The following NAA25 variants were observed in gnomAD, a reference collection of about 807,000 sequenced individuals.
NAA25 encodes N-alpha-acetyltransferase 25, NatB auxiliary subunit, also known as N-terminal acetyltransferase B complex subunit NAA25.
A neutral mutation model predicts 132.5 loss-of-function variants in NAA25; 30 were observed. The ratio of observed to expected loss-of-function variants is 0.23; its 90% CI spans 0.17 to 0.31. The LOEUF is 0.31. Ranked by LOEUF, NAA25 falls within the 10% of genes least tolerant of loss-of-function variation. The pLI, the probability that NAA25 is intolerant of heterozygous loss-of-function variation, is 1.00. For missense variants in NAA25, 771 were observed against 1,150.4 expected (o/e 0.67, Z 4.77); for synonymous variants, 359 against 401.9 (o/e 0.89, Z 1.28).
intron 4 of NAA25, among the ~76,000 whole-genome samples, chr12:112,086,073 T>TATATACACACACAC (rs759148501): frequency 8.7e-4 from 47 of 53,938 alleles, no homozygotes; most frequent in African/African-American, 1.8e-3. Context: ...TATATATATA[T>TATATACACACACAC]ACACACACAC....
At position 112,054,453 on chromosome 12, in the gene NAA25, T is replaced by C. The variant is rs983233542; in HGVS notation, c.1563A>G (p.Ala521=). ...LLVRIYCMLG[A]FEPVVDLYSS... is the part of the protein sequence containing the mutation. ...AGTAAAGATCCACCACTGGTTCAAA[T>C]GCACCCAGCATACAGTAGATTCGAA... is the stretch of plus-strand genomic sequence containing the variant. The change falls in exon 14 of 24, where the codon GCA becomes GCG. Residue 521 remains alanine (A), a synonymous_variant. Coordinates refer to ENST00000261745, the MANE Select transcript of NAA25 (RefSeq NM_024953.4). 6.2e-6 allele frequency: 10 copies of C among 1,614,026 alleles called. No homozygotes were observed. The highest frequency in any genetic ancestry group is 4.0e-5 in the African/African-American group (3 of 74,910).
At chr12:112,062,442 G>A (rs183613216) in intron 11 of NAA25, among the ~76,000 whole-genome samples, 1 of 151,316 alleles carries the variant, frequency 6.6e-6, no homozygotes, top group Non-Finnish European at 1.5e-5. Context: ...AATAGGCCGG[G>A]TGTGGTGCGC....
At chr12:112,103,094 C>G (rs566600255) in intron 1 of NAA25, among the ~76,000 whole-genome samples, 1 of 152,330 alleles carries the variant, frequency 6.6e-6, no homozygotes, top group South Asian at 2.1e-4. Flanking sequence ...TCAAGTGATT[C>G]TTCTGCCTCA....
Position 112,049,741 on chromosome 12 carries a change from C to A in NAA25, c.1729-1298G>T. The stretch of plus-strand genomic sequence containing the variant: ...GCTTGATTAAAGGACAGTGATACAC[C>A]CTATCAAGAGGAGGCCAGGATACTC... On this transcript the variant is annotated intron_variant, in intron 15 of 23. Transcript: ENST00000261745. This position sits in a 1 kb window ranked among gnomAD's most constrained non-coding sequence, Gnocchi z 4.7. 3.2e-6 allele frequency: 2 copies of A among 616,184 alleles called. No homozygotes were observed. The highest frequency in any genetic ancestry group is 4.1e-6 in the Non-Finnish European group (2 of 492,834). The allele number at this position is 616,184 out of a possible 1,614,324, so 38.2% of individuals were successfully genotyped here.
rs890083605 is a variant in NAA25, at chr12:112,027,856, T to C, written c.*1675A>G. The C allele has an allele frequency of 6.6e-6, 1 of 152,200 alleles. No homozygotes were observed. Among genetic ancestry groups the C allele is most frequent in the African/African-American group, 2.4e-5 (1 of 41,438 alleles). 9.4% of individuals were successfully genotyped at this position (152,200 alleles called of 1,614,324 possible). A position where few individuals can be genotyped will look rare whatever the true frequency, so the allele number is the denominator to read the frequency against. On this transcript the variant is annotated 3_prime_UTR_variant, in exon 24 of 24. Coordinates refer to ENST00000261745, the MANE Select transcript of NAA25 (RefSeq NM_024953.4). Reference sequence around the variant, plus strand: ...CATGAAATTCAGAATTAACCACAATTTTCCATTCATCTTGTTCAAGACAGT... The same window carrying C: ...CATGAAATTCAGAATTAACCACAATCTTCCATTCATCTTGTTCAAGACAGT...
intron 11 of NAA25, among the ~76,000 whole-genome samples, chr12:112,062,634 G>A (rs550304122): frequency 9.0e-4 from 137 of 151,902 alleles, no homozygotes; most frequent in African/African-American, 2.7e-3. Context: ...GGTGAGGCAG[G>A]AGAATCGCTT....
chr12:112,042,067 A>T lies in NAA25; in HGVS notation c.2412T>A (p.Ser804Arg). Residue 804 changes from serine to arginine, a missense_variant, in exon 20 of 24, where the codon AGT becomes AGA. Ser to Arg is a moderately radical substitution (Grantham distance 110). Transcript: ENST00000261745. ...TMEIQERIEN[S>R]FKSLLDQLKD... Reference sequence around the variant, plus strand: ...TTAACTGGTCTAGTAAAGACTTAAAACTATTTTCTATTCGTTCCTGAATCT... The same window carrying T: ...TTAACTGGTCTAGTAAAGACTTAAATCTATTTTCTATTCGTTCCTGAATCT... The T allele has an allele frequency of 1.3e-6, 2 of 1,485,764 alleles. No homozygotes were observed. The highest frequency in any genetic ancestry group is 1.8e-6 in the Non-Finnish European group (2 of 1,120,576). The allele number at this position is 1,485,764 out of a possible 1,614,324, so 92.0% of individuals were successfully genotyped here. A position where few individuals can be genotyped will look rare whatever the true frequency, so the allele number is the denominator to read the frequency against.
chr12:112,041,199 T>G (rs2078296928), intron 20 of NAA25, among the ~76,000 whole-genome samples: 1 of 151,828 alleles, frequency 6.6e-6, no homozygotes, highest in Non-Finnish European at 1.5e-5. Context: ...CACTTTTTTT[T>G]TTTTTTGAGA....
intron 22 of NAA25, among the ~76,000 whole-genome samples, chr12:112,037,312 A>C (rs967601684): frequency 4.5e-5 from 6 of 132,070 alleles, no homozygotes; most frequent in African/African-American, 1.7e-4. Flanking sequence ...ATATATATAT[A>C]TATATATATT....
chr12:112,071,830 T>TATCGCAGTAAC, intron 10 of NAA25, 65 bp downstream of exon 10: 1 of 1,171,714 alleles, frequency 8.5e-7, no homozygotes, highest in Non-Finnish European at 1.1e-6. Context: ...AGATCTCAAC[T>TATCGCAGTAAC]AATGAATATA....
In NAA25 at chr12:112,078,202, C is replaced by T; in HGVS notation, c.650G>A (p.Arg217Lys). 1 of 1,599,760 alleles carries T rather than the reference C, an allele frequency of 6.3e-7. No homozygotes were observed. The highest frequency in any genetic ancestry group is 8.5e-7 in the Non-Finnish European group (1 of 1,173,514). Reference sequence around the variant, plus strand: ...TTAAAAATTACCTCCTAATTTCCCTCTGATGACATCCAAGGCCTCCTGGTA... The same window carrying T: ...TTAAAAATTACCTCCTAATTTCCCTTTGATGACATCCAAGGCCTCCTGGTA... Reference protein sequence around the residue: ...GKYQEALDVIRGKLGEKLTSE... With the variant: ...GKYQEALDVIKGKLGEKLTSE... Residue 217 changes from arginine to lysine, a missense_variant, in exon 7 of 24, where the codon AGA becomes AAA. By Grantham distance (26) the Arg-to-Lys change is conservative. This residue lies in a region of NAA25 where 417 missense variants were observed against 733.8 expected (regional missense o/e 0.57). Transcript: ENST00000261745.
intron 1 of NAA25, among the ~76,000 whole-genome samples, chr12:112,107,904 T>G (rs951294491): frequency 4.6e-5 from 7 of 152,162 alleles, no homozygotes; most frequent in Non-Finnish European, 8.8e-5. Context: ...CCAGGGTAAA[T>G]GGATGAGATG....
chr12:112,037,052 G>C (rs533513070), intron 22 of NAA25, among the ~76,000 whole-genome samples: 1 of 151,736 alleles, frequency 6.6e-6, no homozygotes, highest in East Asian at 1.9e-4. Flanking sequence ...TCTGATTTCA[G>C]TTCACTGAAA....
At chr12:112,058,815 T>C (rs2078583152) in intron 13 of NAA25, among the ~76,000 whole-genome samples, 1 of 151,844 alleles carries the variant, frequency 6.6e-6, no homozygotes. Context: ...TCCTAGCACT[T>C]TGGGAGGCCG....
rs374544500 is a variant in NAA25, at chr12:112,062,365, C to T, written c.1150-977G>A. ...GCTGTGAGCCAAGATTGTTCTACTG[C>T]ACTCCAGCCTGGGCAACAGAGCGAG... is the stretch of plus-strand genomic sequence containing the variant. On this transcript the variant is annotated intron_variant, in intron 11 of 23. Transcript: ENST00000261745. Among the ~76,000 whole-genome samples, 1,138 of 148,566 alleles carry T rather than the reference C, an allele frequency of 7.7e-3. 16 individuals carry two copies. The highest frequency in any genetic ancestry group is 0.027 in the African/African-American group (1,080 of 40,140).
chr12:112,090,418 TTATTA>T (rs2079113367), intron 3 of NAA25: 1 of 230,280 alleles, frequency 4.3e-6, no homozygotes, highest in Non-Finnish European at 8.4e-6. Flanking sequence ...ACAATGGGGT[TTATTA>T]TTCTATTCTA....
At chr12:112,058,363 G>A (rs1187384709) in intron 13 of NAA25, among the ~76,000 whole-genome samples, 2 of 152,218 alleles carry the variant, frequency 1.3e-5, no homozygotes, top group Admixed American at 1.3e-4. Context: ...AAATTTTAAA[G>A]TAGATTCAAG....
intron 1 of NAA25, among the ~76,000 whole-genome samples, chr12:112,095,471 G>A (rs141459334): frequency 8.5e-4 from 129 of 151,536 alleles, no homozygotes; most frequent in East Asian, 4.7e-3. Flanking sequence ...TGTCAGGTAC[G>A]GTGGCGCATG....
intron 21 of NAA25, chr12:112,039,663 A>T (rs2078275046): frequency 5.5e-6 from 1 of 181,354 alleles, no homozygotes. Context: ...TCACTCAGAG[A>T]AGAGTCCAAA....
Sources: allele counts gnomAD v4.1 joint callset (sites outside exome capture counted in the v4.1 genomes callset), GRCh38; gene constraint gnomAD v4.1.1; regional missense constraint gnomAD v4.1.1; non-coding constraint Gnocchi (gnomAD v3.1); transcripts MANE v1.5; gene names NCBI Gene and HGNC (gene_info 2026-07-23, HGNC 2026-07-21).